ZBTB11: variants seen among roughly 807,000 people sequenced by gnomAD.
The protein encoded by ZBTB11 is zinc finger and BTB domain-containing protein 11.
A neutral mutation model predicts 113.1 loss-of-function variants in ZBTB11; 68 were observed. That is an observed-to-expected ratio of 0.60 (90% CI 0.49 to 0.74). The LOEUF (loss-of-function observed/expected upper bound fraction) is 0.74. Ranked by LOEUF, ZBTB11 falls within the 30% of genes least tolerant of loss-of-function variation. The pLI, the probability that ZBTB11 is intolerant of heterozygous loss-of-function variation, is 0.00. For synonymous variants in ZBTB11, 518 were observed against 452.6 expected, an observed-to-expected ratio of 1.14 and a Z score of -1.83; for missense variants, 1,104 against 1,279.4, an observed-to-expected ratio of 0.86 and a Z score of 2.09.
chr3:101,653,366 T>C (rs1168813002), intron 8 of ZBTB11, among the ~76,000 whole-genome samples: 1 of 152,146 alleles, frequency 6.6e-6, no homozygotes, highest in African/African-American at 2.4e-5. Flanking sequence ...CTGACTTAAC[T>C]TGATGTAAAT....
Position 101,664,682 on chromosome 3 carries a change from C to T in ZBTB11, c.1656G>A (p.Lys552=), listed in dbSNP as rs752178809. Residue 552 remains lysine, a synonymous_variant, in exon 5 of 11, where the codon AAG becomes AAA. Coordinates refer to ENST00000312938, the MANE Select transcript of ZBTB11 (RefSeq NM_014415.4). The stretch of plus-strand genomic sequence containing the variant: ...TAGCATCTCTTTTTGGCTGTTTCAT[C>T]TTTTTTCCTCTTTGAACTAACTTCT... ...VAQKLVQRGK[K]MKQPKRDAKE... 1.9e-6 allele frequency: 3 copies of T among 1,609,518 alleles called. No individual in the cohort carries two copies. The South Asian group carries it at 3.3e-5, about 18-fold the overall frequency.
At chr3:101,659,577 T>A (rs1013063357) in intron 6 of ZBTB11, among the ~76,000 whole-genome samples, 1 of 152,172 alleles carries the variant, frequency 6.6e-6, no homozygotes, top group African/African-American at 2.4e-5. Context: ...ACAAACATCT[T>A]AAATAGATTC....
Position 101,676,819 on chromosome 3 carries a change from T to A in ZBTB11, c.96A>T (p.Lys32Asn). The A allele has an allele frequency of 6.2e-7, 1 of 1,612,610 alleles. No individual in the cohort carries two copies. Among genetic ancestry groups the A allele is most frequent in the Non-Finnish European group, 8.5e-7 (1 of 1,179,648 alleles). Reference sequence around the variant, plus strand: ...CGTAGCAGGCGGCAGCTTTTCGGATTTTACGCTTGACATTGCCCTCGGTGC... The same window carrying A: ...CGTAGCAGGCGGCAGCTTTTCGGATATTACGCTTGACATTGCCCTCGGTGC... ...APGTEGNVKR[K>N]IRKAAACYVV... The change falls in exon 1 of 11, where the codon AAA (lysine) becomes AAT (asparagine). Residue 32 changes from lysine (K) to asparagine (N), a missense_variant. By Grantham distance (94) the Lys-to-Asn change is moderately conservative. Coordinates refer to ENST00000312938, the MANE Select transcript of ZBTB11 (RefSeq NM_014415.4).
intron 10 of ZBTB11, 95 bp from the exon 11 acceptor site, chr3:101,651,778 T>A: frequency 7.9e-7 from 1 of 1,271,968 alleles, no homozygotes; most frequent in Non-Finnish European, 1.1e-6. Flanking sequence ...AAAAGTACAG[T>A]AGCTCATAAG....
intron 3 of ZBTB11, 27 bp from the exon 4 acceptor site, chr3:101,665,835 CAAA>C (rs773629225): frequency 5.9e-6 from 9 of 1,536,188 alleles, no homozygotes; most frequent in Non-Finnish European, 7.9e-6. Flanking sequence ...AAGGTAAAGA[CAAA>C]AAAGTCAATT....
chr3:101,665,830 A>G (rs753242259), intron 3 of ZBTB11, 22 bp from the exon 4 acceptor site: 113 of 1,543,870 alleles, frequency 7.3e-5, no homozygotes, highest in Non-Finnish European at 9.7e-5. Flanking sequence ...CAAAGAAGGT[A>G]AAGACAAAAA....
chr3:101,660,477 C>G (rs993150040), intron 5 of ZBTB11, among the ~76,000 whole-genome samples: 1 of 152,196 alleles, frequency 6.6e-6, no homozygotes, highest in African/African-American at 2.4e-5. Context: ...TGCTTACCCT[C>G]TGCAAAACCT....
In ZBTB11 at chr3:101,676,675, C is replaced by A. The variant is rs752485871; in HGVS notation, c.240G>T (p.Leu80=). 1 of 1,594,468 alleles carries A rather than the reference C, an allele frequency of 6.3e-7. No homozygotes were observed. The highest frequency in any genetic ancestry group is 1.7e-5 in the Admixed American group (1 of 58,166). Residue 80 remains leucine, a synonymous_variant, in exon 1 of 11, where the codon CTG becomes CTT. Coordinates refer to ENST00000312938, the MANE Select transcript of ZBTB11 (RefSeq NM_014415.4). ...RRRDLIEAAH[L]GPGGTHHTRH... is the part of the protein sequence containing the mutation. ...GGGTGTGGTGAGTGCCGCCGGGACC[C>A]AGGTGCGCCGCCTCGATGAGGTCCC...
chr3:101,651,530 A>G lies in ZBTB11; in HGVS notation c.2798T>C (p.Met933Thr). ...CACATAGTCTCTGTGGAATTTAGTC[A>G]TATGTTTACGGAGTGTTCGAGCATC... is the stretch of plus-strand genomic sequence containing the variant. Reference protein sequence around the residue: ...YIDARTLRKHMTKFHRDYVPC... With the variant: ...YIDARTLRKHTTKFHRDYVPC... The change falls in exon 11 of 11, where the codon ATG becomes ACG. Residue 933 changes from methionine (M) to threonine (T), a missense_variant. Met to Thr is a moderately conservative substitution (Grantham distance 81). Around this residue, in one of 5 missense-constraint regions of ZBTB11, gnomAD observed 148 missense variants for 259.3 expected, o/e 0.57. Transcript: ENST00000312938. 1.2e-6 allele frequency: 2 copies of G among 1,614,184 alleles called. No homozygotes were observed. Among genetic ancestry groups the G allele is most frequent in the Non-Finnish European group, 1.7e-6 (2 of 1,180,042 alleles).
At chr3:101,662,431 C>T (rs936761979) in intron 5 of ZBTB11, among the ~76,000 whole-genome samples, 1 of 152,140 alleles carries the variant, frequency 6.6e-6, no homozygotes, top group African/African-American at 2.4e-5. Context: ...TCGAGACCAG[C>T]CTGACCAACA....
Position 101,651,678 on chromosome 3 carries a change from T to A in ZBTB11, c.2650A>T (p.Lys884Ter). Residue 884 changes from lysine to a stop codon, truncating the protein, a stop_gained, in exon 11 of 11, where the codon AAG (lysine) becomes TAG (stop). Coordinates refer to ENST00000312938, the MANE Select transcript of ZBTB11 (RefSeq NM_014415.4). LOFTEE classifies it high-confidence loss of function. ...RRHMNNHEGV[K>*]PFECLTCGVA... is the part of the protein sequence containing the mutation. ...CCACATGTTAAGCACTCAAATGGCT[T>A]AACTCCTAAAAAAAAAAAAAAAAAA... The A allele has an allele frequency of 6.8e-7, 1 of 1,463,952 alleles. No individual in the cohort carries two copies. The highest frequency in any genetic ancestry group is 9.0e-7 in the Non-Finnish European group (1 of 1,114,736). The allele number at this position is 1,463,952 out of a possible 1,614,324, so 90.7% of individuals were successfully genotyped here.
Position 101,665,137 on chromosome 3 carries a change from G to T in ZBTB11, c.1450C>A (p.Gln484Lys), listed in dbSNP as rs182361740. The T allele has an allele frequency of 1.2e-5, 20 of 1,614,074 alleles. No individual in the cohort carries two copies. The Admixed American group carries it at 3.3e-4, about 27-fold the overall frequency. Reference protein sequence around the residue: ...RQKVDQPLKDQENLVASTAKT... With the variant: ...RQKVDQPLKDKENLVASTAKT... ...GCTGTTGATGCAACTAGATTTTCCT[G>T]ATCTTTTAAAGGTTGGTCAACTTTC... is the stretch of plus-strand genomic sequence containing the variant. Residue 484 changes from glutamine to lysine, a missense_variant, in exon 4 of 11, where the codon CAG (glutamine) becomes AAG (lysine). Gln to Lys is a moderately conservative substitution (Grantham distance 53, BLOSUM62 1). Transcript: ENST00000312938.
In ZBTB11 at chr3:101,676,674, C is replaced by T. The variant is rs1293657545; in HGVS notation, c.241G>A (p.Gly81Ser). The change falls in exon 1 of 11, where the codon GGT becomes AGT. Residue 81 changes from glycine to serine, a missense_variant. Physicochemically the swap from Gly to Ser is moderately conservative, Grantham distance 56. Transcript: ENST00000312938. ...CGGGTGTGGTGAGTGCCGCCGGGACCCAGGTGCGCCGCCTCGATGAGGTCC... is the reference window on the plus strand; with the variant it reads ...CGGGTGTGGTGAGTGCCGCCGGGACTCAGGTGCGCCGCCTCGATGAGGTCC... The part of the protein sequence containing the change: ...RRDLIEAAHL[G>S]PGGTHHTRHQ... 2 of 1,592,942 alleles carry T rather than the reference C, an allele frequency of 1.3e-6. No homozygotes were observed. Among genetic ancestry groups the T allele is most frequent in the Non-Finnish European group, 1.7e-6 (2 of 1,168,386 alleles).
chr3:101,663,846 C>T lies in ZBTB11; in HGVS notation c.1800+692G>A, dbSNP rs528763427. 5.9e-5 allele frequency among the ~76,000 whole-genome samples: 9 copies of T among 152,164 alleles called. No homozygotes were observed. In the South Asian group the frequency reaches 8.3e-4, roughly 14 times the overall value. On this transcript the variant is annotated intron_variant, in intron 5 of 10. Coordinates refer to ENST00000312938, the MANE Select transcript of ZBTB11 (RefSeq NM_014415.4). ...TGGAGGATGCAGTGAGCCAAGATTG[C>T]GCCACTGCACTCTAGCCTGGGTGAC...
chr3:101,675,584 T>C (rs1937152021), intron 1 of ZBTB11, among the ~76,000 whole-genome samples: 1 of 152,228 alleles, frequency 6.6e-6, no homozygotes, highest in Non-Finnish European at 1.5e-5. Flanking sequence ...AGTTTGAATA[T>C]TCATTAACTG....
At position 101,676,437 on chromosome 3, in the gene ZBTB11, G is replaced by C. The variant is rs1043952468; in HGVS notation, c.310+168C>G. On this transcript the variant is annotated intron_variant, in intron 1 of 10. Coordinates refer to ENST00000312938, the MANE Select transcript of ZBTB11 (RefSeq NM_014415.4). ...TTCGCCGGCCTCCTTCCTGTGGGAA[G>C]TGCGGCTCCTTTCGCGTCCCCCACC... 5 of 673,238 alleles carry C rather than the reference G, an allele frequency of 7.4e-6. No individual in the cohort carries two copies. The Admixed American group carries it at 1.2e-4, about 17-fold the overall frequency. 41.7% of individuals were successfully genotyped at this position (673,238 alleles called of 1,614,324 possible). A position where few individuals can be genotyped will look rare whatever the true frequency, so the allele number is the denominator to read the frequency against.
chr3:101,654,645 T>C (rs1936763927), intron 8 of ZBTB11, 59 bp downstream of exon 8: 2 of 1,421,070 alleles, frequency 1.4e-6, no homozygotes, highest in African/African-American at 2.9e-5. Flanking sequence ...AATATTTTTT[T>C]GAAAACTGAG....
chr3:101,658,999 G>A (rs753601840), intron 6 of ZBTB11, among the ~76,000 whole-genome samples: 7 of 152,170 alleles, frequency 4.6e-5, no homozygotes, highest in Non-Finnish European at 1.0e-4. Context: ...AGTACTTTGG[G>A]AGCCTGACGT....
At chr3:101,659,074 A>T (rs1936845117) in intron 6 of ZBTB11, among the ~76,000 whole-genome samples, 1 of 152,112 alleles carries the variant, frequency 6.6e-6, no homozygotes, top group Admixed American at 6.5e-5. Context: ...CCCCATCTCC[A>T]CAAAATTTAA....
Sources: allele counts gnomAD v4.1 joint callset (sites outside exome capture counted in the v4.1 genomes callset), GRCh38; gene constraint gnomAD v4.1.1; regional missense constraint gnomAD v4.1.1; transcripts MANE v1.5; gene names NCBI Gene and HGNC (gene_info 2026-07-23, HGNC 2026-07-21).